The following FGF12 variants were observed in gnomAD, a reference collection of about 807,000 sequenced individuals.
FGF12 encodes fibroblast growth factor 12B.
In FGF12, 14 loss-of-function variants were observed where a neutral mutation model predicts 23.6. The observed-to-expected ratio is 0.59, with a 90% CI of 0.39 to 0.93. The LOEUF is 0.93. Ranked by LOEUF, FGF12 falls within the 40% of genes least tolerant of loss-of-function variation. The pLI, the probability that FGF12 is intolerant of heterozygous loss-of-function variation, is 0.00. For missense variants in FGF12, 175 were observed against 217.8 expected (o/e 0.80, Z 1.24); for synonymous variants, 62 against 77.3 (o/e 0.80, Z 1.04).
chr3:192,339,512 T>A (rs1577368505), intron 3 of FGF12, among the ~76,000 whole-genome samples: 1 of 152,200 alleles, frequency 6.6e-6, no homozygotes, highest in Non-Finnish European at 1.5e-5. Context: ...TTCCATCTGC[T>A]GTAACCGGCT....
intron 2 of FGF12, among the ~76,000 whole-genome samples, chr3:192,477,913 C>T (rs1723372510): frequency 6.6e-6 from 1 of 152,182 alleles, no homozygotes; most frequent in African/African-American, 2.4e-5. Context: ...TACTTTACAT[C>T]ACTTAAAAAT....
intron 2 of FGF12, among the ~76,000 whole-genome samples, chr3:192,700,237 A>G (rs1214233602): frequency 6.6e-6 from 1 of 152,174 alleles, no homozygotes; most frequent in Non-Finnish European, 1.5e-5. Flanking sequence ...AATGGACACA[A>G]TGCTTTAACA....
chr3:192,331,603 A>G (rs1361961160), intron 4 of FGF12, among the ~76,000 whole-genome samples: 1 of 152,134 alleles, frequency 6.6e-6, no homozygotes, highest in Non-Finnish European at 1.5e-5. Context: ...AAATGCACAA[A>G]TACTGCATTT....
intron 4 of FGF12, among the ~76,000 whole-genome samples, chr3:192,201,863 T>C (rs955174886): frequency 6.6e-6 from 1 of 152,202 alleles, no homozygotes; most frequent in Admixed American, 6.5e-5. Context: ...TTTGTGCACA[T>C]TGATTTTCAG....
At chr3:192,619,464 G>T (rs191626884) in intron 2 of FGF12, among the ~76,000 whole-genome samples, 1 of 152,284 alleles carries the variant, frequency 6.6e-6, no homozygotes, top group East Asian at 1.9e-4. Flanking sequence ...GTTCCCATCA[G>T]TCGCTCTAGC....
intron 4 of FGF12, among the ~76,000 whole-genome samples, chr3:192,214,851 T>C (rs1718108719): frequency 6.6e-6 from 1 of 152,236 alleles, no homozygotes; most frequent in Non-Finnish European, 1.5e-5. Context: ...ATAATATTTG[T>C]CAACTTAAAT....
intron 2 of FGF12, among the ~76,000 whole-genome samples, chr3:192,503,667 G>T (rs149072559): frequency 7.1e-6 from 1 of 141,740 alleles, no homozygotes; most frequent in South Asian, 2.2e-4. Flanking sequence ...GTGCAATGGC[G>T]CAATCTCGGC....
At chr3:192,508,907 T>A (rs191017108) in intron 2 of FGF12, among the ~76,000 whole-genome samples, 1 of 152,292 alleles carries the variant, frequency 6.6e-6, no homozygotes, top group Admixed American at 6.5e-5. Flanking sequence ...AAACATTAAA[T>A]CAAGTAAGGG....
intron 4 of FGF12, among the ~76,000 whole-genome samples, chr3:192,226,026 T>C (rs1202198959): frequency 1.3e-5 from 2 of 152,176 alleles, no homozygotes; most frequent in East Asian, 1.9e-4. Flanking sequence ...TGAAATTAGA[T>C]ACTGGTGATG....
intron 2 of FGF12, among the ~76,000 whole-genome samples, chr3:192,540,519 C>T (rs1725339225): frequency 6.6e-6 from 1 of 151,968 alleles, no homozygotes; most frequent in South Asian, 2.1e-4. Context: ...ATATAACTTC[C>T]AATTTTTTTA....
intron 2 of FGF12, among the ~76,000 whole-genome samples, chr3:192,413,850 T>C (rs1721269055): frequency 6.6e-6 from 1 of 152,214 alleles, no homozygotes; most frequent in Non-Finnish European, 1.5e-5. Context: ...AGAAGACCTT[T>C]TCTCCATGAA....
chr3:192,427,233 T>G (rs547152237), intron 2 of FGF12, among the ~76,000 whole-genome samples: 3 of 151,976 alleles, frequency 2.0e-5, no homozygotes, highest in Admixed American at 2.0e-4. Context: ...ATACAAAAAT[T>G]AGCCGGATGT....
At chr3:192,586,681 A>G (rs900827276) in intron 2 of FGF12, among the ~76,000 whole-genome samples, 2 of 152,212 alleles carry the variant, frequency 1.3e-5, no homozygotes, top group Admixed American at 6.5e-5. Flanking sequence ...ATTTTCCTCC[A>G]GAAGTGGGTA....
chr3:192,592,148 A>G (rs1008141320), intron 2 of FGF12, among the ~76,000 whole-genome samples: 1 of 151,754 alleles, frequency 6.6e-6, no homozygotes, highest in African/African-American at 2.4e-5. Flanking sequence ...TCCCCATTCA[A>G]CTCGGGCCTG....
At chr3:192,474,669 T>A (rs1723266672) in intron 2 of FGF12, among the ~76,000 whole-genome samples, 1 of 152,100 alleles carries the variant, frequency 6.6e-6, no homozygotes, top group Non-Finnish European at 1.5e-5. Context: ...GTGGATCACC[T>A]GAGGTCAGGA....
At chr3:192,350,649 C>T (rs1718177102) in intron 3 of FGF12, among the ~76,000 whole-genome samples, 1 of 151,860 alleles carries the variant, frequency 6.6e-6, no homozygotes, top group Admixed American at 6.6e-5. Context: ...TGCCTTCAGG[C>T]AAGAACATGG....
chr3:192,309,398 C>T (rs900324901), intron 4 of FGF12, among the ~76,000 whole-genome samples: 2 of 152,186 alleles, frequency 1.3e-5, no homozygotes, highest in African/African-American at 4.8e-5. Flanking sequence ...TCCATCATCT[C>T]TGTGGAGGTA....
intron 4 of FGF12, among the ~76,000 whole-genome samples, chr3:192,308,079 T>C (rs936507101): frequency 2.0e-5 from 3 of 152,182 alleles, no homozygotes; most frequent in African/African-American, 7.2e-5. Context: ...GCTCCATACT[T>C]ATATTTTAAA....
intron 2 of FGF12, among the ~76,000 whole-genome samples, chr3:192,622,871 G>A (rs1189871620): frequency 6.6e-6 from 1 of 152,154 alleles, no homozygotes; most frequent in Non-Finnish European, 1.5e-5. Context: ...GACAACCAAG[G>A]AGAGCAAGTC....
Sources: gnomAD v4.1 joint callset for allele counts (sites outside exome capture counted in the v4.1 genomes callset) on GRCh38, gnomAD v4.1.1 for gene constraint, MANE v1.5 for transcripts, NCBI Gene and HGNC (gene_info 2026-07-23, HGNC 2026-07-21) for gene names.